Variants in UNC13B observed in about 807,000 individuals in gnomAD.
UNC13B encodes the protein unc-13 homolog B, also known as protein unc-13 homolog B.
In UNC13B, 144 loss-of-function variants were observed where a neutral mutation model predicts 211.0. That is an observed-to-expected ratio of 0.68 (90% CI 0.60 to 0.78). UNC13B has a LOEUF of 0.78. UNC13B is among the 30% of genes least tolerant of loss of function. The pLI, the probability that UNC13B is intolerant of heterozygous loss-of-function variation, is 0.00. For synonymous variants in UNC13B, 709 were observed against 725.8 expected (o/e 0.98, Z 0.37); for missense variants, 1,777 against 2,002.0 (o/e 0.89, Z 2.14).
At chr9:35,285,531 C>G (rs1402076310) in intron 7 of UNC13B, among the ~76,000 whole-genome samples, 1 of 152,058 alleles carries the variant, frequency 6.6e-6, no homozygotes, top group Non-Finnish European at 1.5e-5. Flanking sequence ...CCAGCCTGGG[C>G]AACATGGTGA....
At chr9:35,209,167 C>T (rs1157788063) in intron 1 of UNC13B, among the ~76,000 whole-genome samples, 6 of 152,058 alleles carry the variant, frequency 3.9e-5, no homozygotes, top group East Asian at 1.9e-4. Flanking sequence ...CGAGTTCAAG[C>T]GATTCTCCTG....
intron 7 of UNC13B, among the ~76,000 whole-genome samples, chr9:35,291,304 T>C (rs951695): frequency 0.029 from 4,445 of 152,296 alleles, 217 homozygotes; most frequent in African/African-American, 0.1. Flanking sequence ...TGTGTGTTTA[T>C]GTGTGTTACA....
At chr9:35,374,474 C>T (rs984218769) in intron 13 of UNC13B, among the ~76,000 whole-genome samples, 1 of 141,234 alleles carries the variant, frequency 7.1e-6, no homozygotes, top group African/African-American at 2.8e-5. Flanking sequence ...CCCCAGCTCT[C>T]AGACTTAACT....
intron 1 of UNC13B, among the ~76,000 whole-genome samples, chr9:35,178,645 C>G (rs1363597809): frequency 6.6e-6 from 1 of 151,980 alleles, no homozygotes; most frequent in African/African-American, 2.4e-5. Context: ...AATCCCAGCA[C>G]TTTGGGAGGC....
rs369287210 is a variant in UNC13B at position 35,399,712 on chromosome 9, G to A, written c.12319G>A (p.Ala4107Thr). ...TPKQCAVLDL[A>T]LDTIKQYFHA... ...AAAGCAGTGTGCAGTCCTTGACCTC[G>A]CCCTGGACACCATCAAGGTGGAGGC... The change falls in exon 36 of 40, where the codon GCC (alanine) becomes ACC (threonine). Residue 4107 changes from alanine to threonine, a missense_variant. Transcript: ENST00000635942. 3.2e-4 allele frequency: 515 copies of A among 1,614,002 alleles called. 9 individuals are homozygous for A. The South Asian group carries it at 5.2e-3, about 16-fold the overall frequency.
At position 35,403,944 on chromosome 9, in the gene UNC13B, C is replaced by T. The variant is rs376478024; in HGVS notation, c.12934C>T (p.Arg4312Trp). 1.7e-5 allele frequency: 28 copies of T among 1,613,990 alleles called. No individual in the cohort carries two copies. Among genetic ancestry groups the T allele is most frequent in the African/African-American group, 6.7e-5 (5 of 74,884 alleles). The change falls in exon 40 of 40, where the codon CGG becomes TGG. Residue 4312 changes from arginine to tryptophan, a missense_variant. Arg to Trp is a moderately radical substitution (Grantham distance 101). Transcript: ENST00000635942. ...GGATGAGACAGGCCTGACCATTCTC[C>T]GGATTTTATCTCAGAGGAGCAATGA... ...HMDETGLTIL[R>W]ILSQRSNDEV... is the part of the protein sequence containing the mutation.
chr9:35,271,459 A>G (rs1447803259), intron 7 of UNC13B, among the ~76,000 whole-genome samples: 1 of 152,112 alleles, frequency 6.6e-6, no homozygotes, highest in Non-Finnish European at 1.5e-5. Context: ...GTGCAATCTG[A>G]TTTGCATATT....
chr9:35,364,668 T>A, intron 11 of UNC13B: 1 of 1,263,314 alleles, frequency 7.9e-7, no homozygotes, highest in Non-Finnish European at 1.1e-6. Context: ...TGTGTGTACA[T>A]GCACATGTGC....
intron 11 of UNC13B, among the ~76,000 whole-genome samples, chr9:35,359,126 C>T (rs1211289534): frequency 1.3e-5 from 2 of 152,090 alleles, no homozygotes; most frequent in Non-Finnish European, 1.5e-5. Flanking sequence ...AATAGTCTTA[C>T]CACTCTTGTC....
At position 35,403,457 on chromosome 9, in the gene UNC13B, C is replaced by T. The variant is rs1364433377; in HGVS notation, c.12595C>T (p.Leu4199Phe). 1 of 1,613,854 alleles carries T rather than the reference C, an allele frequency of 6.2e-7. No homozygotes were observed. Among genetic ancestry groups the T allele is most frequent in the Admixed American group, 1.7e-5 (1 of 60,020 alleles). ...VTVKVVAAND[L>F]KWQTAGMFRP... ...TTGGGCAGTGGTGGCTGCCAATGAC[C>T]TCAAGTGGCAGACAGCGGGTATGTT... The change falls in exon 39 of 40, where the codon CTC (leucine) becomes TTC (phenylalanine). Residue 4199 changes from leucine to phenylalanine, a missense_variant. Transcript: ENST00000635942.
chr9:35,234,828 T>C (rs1035423294), intron 3 of UNC13B, among the ~76,000 whole-genome samples: 5 of 152,242 alleles, frequency 3.3e-5, no homozygotes, highest in African/African-American at 7.2e-5. Context: ...TCTGTGGCTG[T>C]CATTCTATAT....
intron 1 of UNC13B, among the ~76,000 whole-genome samples, chr9:35,189,565 T>C (rs1822538624): frequency 6.6e-6 from 1 of 152,244 alleles, no homozygotes; most frequent in Admixed American, 6.5e-5. Context: ...GTGCTTATTT[T>C]TCTTTAACCC....
Position 35,236,591 on chromosome 9 carries a change from G to T in UNC13B, c.270+5G>T. The T allele has an allele frequency of 6.2e-7, 1 of 1,612,440 alleles. No individual in the cohort carries two copies. The highest frequency in any genetic ancestry group is 8.5e-7 in the Non-Finnish European group (1 of 1,178,576). On this transcript the variant is annotated splice_donor_5th_base_variant and intron_variant, in intron 4 of 39. Coordinates refer to ENST00000635942, the MANE Select transcript of UNC13B (RefSeq NM_001371189.2). Reference sequence around the variant, plus strand: ...ACTATTCGTCAGTCGGATGAGGTCAGTCATTGCATTTTCTGTTTGGAAGTA... The same window carrying T: ...ACTATTCGTCAGTCGGATGAGGTCATTCATTGCATTTTCTGTTTGGAAGTA...
chr9:35,301,657 A>G lies in UNC13B; in HGVS notation c.2253A>G (p.Leu751=), dbSNP rs908401239. 1.3e-5 allele frequency: 5 copies of G among 398,898 alleles called. No homozygotes were observed. Among genetic ancestry groups the G allele is most frequent in the South Asian group, 2.5e-4 (2 of 7,856 alleles). 24.7% of individuals were successfully genotyped at this position (398,898 alleles called of 1,614,324 possible). A position where few individuals can be genotyped will look rare whatever the true frequency, so the allele number is the denominator to read the frequency against. Residue 751 remains leucine (L), a synonymous_variant, in exon 9 of 40, where the codon CTA becomes CTG. Transcript: ENST00000635942. ...VSSASKNDES[L]LEEKLCIDLS... ...CTGCAAGTAAAAATGATGAGAGTCT[A>G]TTGGAAGAAAAACTCTGTATAGATC...
In UNC13B at chr9:35,342,351, G is replaced by A. The variant is rs1279007684; in HGVS notation, c.9415-24596G>A. ...TTTTGGTTGCAGCAGCAAGGTAAGT[G>A]GTACCGAGTGTGTATGACTGACTGA... On this transcript the variant is annotated intron_variant, in intron 11 of 39. Coordinates refer to ENST00000635942, the MANE Select transcript of UNC13B (RefSeq NM_001371189.2). 3.0e-6 allele frequency: 3 copies of A among 985,542 alleles called. No homozygotes were observed. The African/African-American group carries it at 5.2e-5, about 17-fold the overall frequency. 61.0% of individuals were successfully genotyped at this position (985,542 alleles called of 1,614,324 possible). A position where few individuals can be genotyped will look rare whatever the true frequency, so the allele number is the denominator to read the frequency against.
rs1216584404 is a variant in UNC13B, at chr9:35,241,096, A to G, written c.395-2195A>G. ...AATCAGTAATAACAAAGTAACATTT[A>G]TGGTGAATTATTGTGTGTTGGTGGG... is the stretch of plus-strand genomic sequence containing the variant. On this transcript the variant is annotated intron_variant, in intron 5 of 39. Coordinates refer to ENST00000635942, the MANE Select transcript of UNC13B (RefSeq NM_001371189.2). 2.6e-5 allele frequency among the ~76,000 whole-genome samples: 4 copies of G among 151,132 alleles called. No individual in the cohort carries two copies. The East Asian group carries it at 7.8e-4, about 29-fold the overall frequency.
At chr9:35,205,026 T>C (rs1450218774) in intron 1 of UNC13B, among the ~76,000 whole-genome samples, 1 of 151,934 alleles carries the variant, frequency 6.6e-6, no homozygotes, top group Non-Finnish European at 1.5e-5. Context: ...TGGGGTGGAG[T>C]TCTCATGAAT....
chr9:35,208,945 T>C (rs927462681), intron 1 of UNC13B, among the ~76,000 whole-genome samples: 7 of 152,228 alleles, frequency 4.6e-5, no homozygotes, highest in Non-Finnish European at 1.0e-4. Context: ...TTTTTCACTG[T>C]TTATCCACCT....
At chr9:35,262,767 T>TA (rs1420910207) in intron 7 of UNC13B, among the ~76,000 whole-genome samples, 3 of 151,878 alleles carry the variant, frequency 2.0e-5, no homozygotes, top group Admixed American at 6.6e-5. Flanking sequence ...ATCATCTCTA[T>TA]AAAAAAATAC....
Sources: allele counts gnomAD v4.1 joint callset (sites outside exome capture counted in the v4.1 genomes callset), GRCh38; gene constraint gnomAD v4.1.1; transcripts MANE v1.5; gene names NCBI Gene and HGNC (gene_info 2026-07-23, HGNC 2026-07-21).